HRH1: variants seen among roughly 807,000 people sequenced by gnomAD.
HRH1 encodes histamine receptor H1.
In HRH1, 6 loss-of-function variants were observed where a neutral mutation model predicts 10.3. That is an observed-to-expected ratio of 0.58 (90% confidence interval 0.32 to 1.15). The LOEUF (loss-of-function observed/expected upper bound fraction) is 1.15, where lower values mean the gene tolerates loss of function less well. HRH1 is among the 50% of genes most tolerant of loss of function. The pLI is 0.05. For synonymous variants in HRH1, 242 were observed against 236.7 expected (o/e 1.02, Z -0.21); for missense variants, 514 against 615.3 (o/e 0.84, Z 1.74).
chr3:11,184,448 G>C (rs754035001), intron 1 of HRH1, among the ~76,000 whole-genome samples: 2 of 152,082 alleles, frequency 1.3e-5, no homozygotes, highest in Non-Finnish European at 2.9e-5. Context: ...TCCTCTCTTA[G>C]AATGGCCAGT....
intron 1 of HRH1, among the ~76,000 whole-genome samples, chr3:11,236,629 G>A (rs1410591293): frequency 3.3e-5 from 5 of 152,150 alleles, no homozygotes; most frequent in Non-Finnish European, 7.4e-5. Flanking sequence ...ATAGATGAAT[G>A]AATAAATGAA....
At chr3:11,168,875 C>T (rs936533746) in intron 1 of HRH1, among the ~76,000 whole-genome samples, 1 of 152,212 alleles carries the variant, frequency 6.6e-6, no homozygotes, top group African/African-American at 2.4e-5. Context: ...GGGAAAGACC[C>T]CTTTGCTGAG....
At chr3:11,207,381 G>A (rs762784920) in intron 1 of HRH1, among the ~76,000 whole-genome samples, 13 of 151,926 alleles carry the variant, frequency 8.6e-5, no homozygotes, top group African/African-American at 2.7e-4. Context: ...TGGCTAACAC[G>A]GTGAAACCCC....
chr3:11,189,976 A>G (rs1937512144), intron 1 of HRH1, among the ~76,000 whole-genome samples: 1 of 152,018 alleles, frequency 6.6e-6, no homozygotes, highest in Non-Finnish European at 1.5e-5. Context: ...TCACTAAAAG[A>G]GCGAGTGTGG....
intron 1 of HRH1, among the ~76,000 whole-genome samples, chr3:11,203,448 G>T (rs752685547): frequency 4.6e-5 from 7 of 152,134 alleles, no homozygotes; most frequent in South Asian, 2.1e-4. Context: ...AGGTCATCCA[G>T]GTTTTCTCCT....
intron 1 of HRH1, among the ~76,000 whole-genome samples, chr3:11,162,382 C>T (rs905118834): frequency 5.3e-5 from 8 of 151,544 alleles, no homozygotes; most frequent in Admixed American, 3.3e-4. Context: ...GGGGTTGGGG[C>T]GATCCAGAGG....
intron 1 of HRH1, among the ~76,000 whole-genome samples, chr3:11,205,810 C>T (rs1483361200): frequency 2.6e-5 from 4 of 151,920 alleles, no homozygotes; most frequent in Admixed American, 1.3e-4. Flanking sequence ...TACAGGCATG[C>T]GCCACCACAC....
chr3:11,165,961 T>C (rs1937022395), intron 1 of HRH1, among the ~76,000 whole-genome samples: 1 of 152,166 alleles, frequency 6.6e-6, no homozygotes, highest in South Asian at 2.1e-4. Flanking sequence ...CTGAGAACTT[T>C]ATATTTGTCG....
chr3:11,149,398 G>T (rs1043570407), intron 1 of HRH1, among the ~76,000 whole-genome samples: 1 of 152,116 alleles, frequency 6.6e-6, no homozygotes, highest in Admixed American at 6.5e-5. Flanking sequence ...AGAGACTTTT[G>T]CTTTTGCCTA....
chr3:11,179,769 C>CTT (rs777856916), intron 1 of HRH1, among the ~76,000 whole-genome samples: 22 of 131,598 alleles, frequency 1.7e-4, no homozygotes, highest in African/African-American at 3.2e-4. Context: ...GTGTGTGTGG[C>CTT]TTTTTTTTTT....
At chr3:11,207,052 C>T (rs1453325802) in intron 1 of HRH1, among the ~76,000 whole-genome samples, 1 of 152,000 alleles carries the variant, frequency 6.6e-6, no homozygotes, top group African/African-American at 2.4e-5. Flanking sequence ...TGGAGGTTTG[C>T]AGTGGAATGG....
chr3:11,180,449 T>C (rs1476505866), intron 1 of HRH1, among the ~76,000 whole-genome samples: 1 of 152,094 alleles, frequency 6.6e-6, no homozygotes, highest in Non-Finnish European at 1.5e-5. Flanking sequence ...AGGTTCGAGC[T>C]CCTATGGGAA....
chr3:11,181,333 T>G (rs1048633167), intron 1 of HRH1, among the ~76,000 whole-genome samples: 4 of 152,144 alleles, frequency 2.6e-5, no homozygotes, highest in African/African-American at 4.8e-5. Flanking sequence ...ATATCATTCA[T>G]GTATATATAA....
In HRH1 at chr3:11,260,496, T is replaced by C. The variant is rs867228115; in HGVS notation, c.1459T>C (p.Ser487Pro). ...ATTCAAGAGAATTCTGCATATTCGCTCCTAAGGGAGGCTCTGAGGGGATGC... is the reference window on the plus strand; with the variant it reads ...ATTCAAGAGAATTCTGCATATTCGCCCCTAAGGGAGGCTCTGAGGGGATGC... Reference protein sequence around the residue: ...KTFKRILHIRS With the variant: ...KTFKRILHIRP The change falls in exon 2 of 2, where the codon TCC becomes CCC. Residue 487 changes from serine (S) to proline (P), a missense_variant. Coordinates refer to ENST00000431010, the MANE Select transcript of HRH1 (RefSeq NM_001098212.2). The C allele has an allele frequency of 6.3e-7, 1 of 1,590,192 alleles. No homozygotes were observed. Among genetic ancestry groups the C allele is most frequent in the Non-Finnish European group, 8.6e-7 (1 of 1,166,554 alleles).
At chr3:11,163,924 A>G (rs185543364) in intron 1 of HRH1, among the ~76,000 whole-genome samples, 36 of 152,122 alleles carry the variant, frequency 2.4e-4, no homozygotes, top group African/African-American at 8.7e-4. Context: ...TCTTCCATAC[A>G]TGTCCTTATT....
chr3:11,245,942 C>T (rs532766734), intron 1 of HRH1, among the ~76,000 whole-genome samples: 1 of 151,992 alleles, frequency 6.6e-6, no homozygotes, highest in South Asian at 2.1e-4. Context: ...TACACACTCA[C>T]ACTCACTCAT....
intron 1 of HRH1, among the ~76,000 whole-genome samples, chr3:11,197,795 G>A (rs561736899): frequency 6.6e-6 from 1 of 152,252 alleles, no homozygotes; most frequent in East Asian, 1.9e-4. Flanking sequence ...GCTCATTGCA[G>A]GCTCCTCTGC....
At chr3:11,182,913 T>A (rs1937384651) in intron 1 of HRH1, among the ~76,000 whole-genome samples, 1 of 152,180 alleles carries the variant, frequency 6.6e-6, no homozygotes, top group Non-Finnish European at 1.5e-5. Context: ...CTGCCACACC[T>A]TGCCTCCTAG....
chr3:11,240,744 G>T (rs931492654), intron 1 of HRH1, among the ~76,000 whole-genome samples: 1 of 152,206 alleles, frequency 6.6e-6, no homozygotes, highest in African/African-American at 2.4e-5. Context: ...ACAACCAGTG[G>T]CACTGATAAG....
Sources: allele counts gnomAD v4.1 joint callset (sites outside exome capture counted in the v4.1 genomes callset), GRCh38; gene constraint gnomAD v4.1.1; transcripts MANE v1.5; gene names NCBI Gene and HGNC (gene_info 2026-07-23, HGNC 2026-07-21).